ARPP21: variants seen among roughly 807,000 people sequenced by gnomAD.
ARPP21 encodes cAMP regulated phosphoprotein 21, also known as cAMP-regulated phosphoprotein 21.
In ARPP21, 69 loss-of-function variants were observed where a neutral mutation model predicts 113.2. The ratio of observed to expected loss-of-function variants is 0.61; its 90% CI spans 0.50 to 0.74. The LOEUF is 0.74. Among genes scored for constraint, ARPP21 ranks in the 30% least tolerant of loss-of-function variants. ARPP21 has a pLI of 0.00. For missense variants in ARPP21, 1,070 were observed against 1,037.4 expected (o/e 1.03, Z -0.43); for synonymous variants, 368 against 375.5 (o/e 0.98, Z 0.23).
rs1202968850 is a variant in ARPP21 at position 35,747,756 on chromosome 3, AATAGT to A, written c.2137+3797_2137+3801del. 2.6e-5 allele frequency among the ~76,000 whole-genome samples: 4 copies of A among 152,020 alleles called. No individual in the cohort carries two copies. The East Asian group carries it at 7.8e-4, about 30-fold the overall frequency. ...GGGAACTCAGATTTCCTATTTAATC[AATAGT>A]ATAGTGTCCAGTTCACTTTATAAAA... is the stretch of plus-strand genomic sequence containing the variant. On this transcript the variant is annotated intron_variant, in intron 19 of 20. Coordinates refer to ENST00000684406, the MANE Select transcript of ARPP21 (RefSeq NM_001385562.1).
rs558824324 is a variant in ARPP21 at position 35,719,400 on chromosome 3, A to C, written c.995+2043A>C. 2.6e-4 allele frequency among the ~76,000 whole-genome samples: 40 copies of C among 152,324 alleles called. No homozygotes were observed. In the South Asian group the frequency reaches 7.0e-3, roughly 27 times the overall value. ...GATTATGGCTTAGGACAGTGATCTGAGCTAGTGAGGTAGAGGTAGAGAAGT... is the reference window on the plus strand; with the variant it reads ...GATTATGGCTTAGGACAGTGATCTGCGCTAGTGAGGTAGAGGTAGAGAAGT... On this transcript the variant is annotated intron_variant, in intron 13 of 20. Transcript: ENST00000684406.
chr3:35,756,718 T>C (rs1030082185), intron 19 of ARPP21, among the ~76,000 whole-genome samples: 3 of 152,124 alleles, frequency 2.0e-5, no homozygotes, highest in Non-Finnish European at 4.4e-5. Flanking sequence ...GTTGTTGTTG[T>C]TGTTGTTGTA....
chr3:35,707,070 A>G lies in ARPP21; in HGVS notation c.783A>G (p.Lys261=). ...ILKRDNSSID[K]EDNQQNRMHP... is the part of the protein sequence containing the mutation. Reference sequence around the variant, plus strand: ...AGCGAGATAACTCTAGTATTGATAAAGAAGACAATCAGGTTGGTTCTCAAG... The same window carrying G: ...AGCGAGATAACTCTAGTATTGATAAGGAAGACAATCAGGTTGGTTCTCAAG... Residue 261 remains lysine (K), a synonymous_variant, in exon 10 of 21, where the codon AAA becomes AAG. Coordinates refer to ENST00000684406, the MANE Select transcript of ARPP21 (RefSeq NM_001385562.1). The G allele has an allele frequency of 6.2e-7, 1 of 1,613,004 alleles. No homozygotes were observed. The highest frequency in any genetic ancestry group is 8.5e-7 in the Non-Finnish European group (1 of 1,179,386).
chr3:35,672,722 A>G (rs1171342535), intron 1 of ARPP21, among the ~76,000 whole-genome samples: 1 of 152,010 alleles, frequency 6.6e-6, no homozygotes, highest in African/African-American at 2.4e-5. Context: ...TCAAATTTTG[A>G]GCTTTGTTAA....
intron 5 of ARPP21, 92 bp from the exon 6 acceptor site, chr3:35,687,647 A>G (rs962295483): frequency 8.2e-7 from 1 of 1,221,284 alleles, no homozygotes; most frequent in Admixed American, 2.8e-5. Context: ...CCTGGTTTTC[A>G]TTTTTCTATA....
rs764335240 is a variant in ARPP21 at position 35,689,334 on chromosome 3, C to T, written c.434C>T (p.Thr145Ile). The T allele has an allele frequency of 6.3e-7, 1 of 1,583,914 alleles. No individual in the cohort carries two copies. Among genetic ancestry groups the T allele is most frequent in the South Asian group, 1.1e-5 (1 of 90,402 alleles). The stretch of plus-strand genomic sequence containing the variant: ...TGCAGCCAAGAATACACGGATTCTA[C>T]AGGCATAGACTTACACGAGTTTCTG... ...KDCSQEYTDS[T>I]GIDLHEFLIN... The change falls in exon 7 of 21, where the codon ACA (threonine) becomes ATA (isoleucine). Residue 145 changes from threonine to isoleucine, a missense_variant. By Grantham distance (89) the Thr-to-Ile change is moderately conservative. Transcript: ENST00000684406.
Position 35,794,298 on chromosome 3 carries a change from T to G in ARPP21, c.*340T>G, listed in dbSNP as rs924088621. 1 of 268,314 alleles carries G rather than the reference T, an allele frequency of 3.7e-6. No individual in the cohort carries two copies. The highest frequency in any genetic ancestry group is 2.2e-5 in the African/African-American group (1 of 46,254). The allele number at this position is 268,314 out of a possible 1,614,324, so 16.6% of individuals were successfully genotyped here. On this transcript the variant is annotated 3_prime_UTR_variant, in exon 21 of 21. Transcript: ENST00000684406. ...GTTGAGTTTGTGATGCTAAAAGTAT[T>G]TAAAAATTATATACTAAATCACATT...
chr3:35,702,942 A>G (rs1420964716), intron 9 of ARPP21, among the ~76,000 whole-genome samples: 2 of 151,890 alleles, frequency 1.3e-5, no homozygotes, highest in African/African-American at 4.8e-5. Flanking sequence ...TGACTATTAA[A>G]GTGCTTTTGA....
intron 1 of ARPP21, among the ~76,000 whole-genome samples, chr3:35,661,184 C>T (rs950884783): frequency 1.3e-5 from 2 of 152,134 alleles, no homozygotes; most frequent in African/African-American, 4.8e-5. Context: ...AGAGCGAGTG[C>T]TTTACTTTGA....
intron 15 of ARPP21, among the ~76,000 whole-genome samples, chr3:35,734,922 T>C (rs115903138): frequency 4.4e-4 from 67 of 152,358 alleles, no homozygotes; most frequent in African/African-American, 1.4e-3. Flanking sequence ...ACCTAGAGTA[T>C]ATCTAGTCTT....
chr3:35,646,510 C>T (rs1056245665), intron 1 of ARPP21, among the ~76,000 whole-genome samples: 4 of 152,060 alleles, frequency 2.6e-5, no homozygotes, highest in African/African-American at 9.7e-5. Context: ...CAAGCTTTAA[C>T]TACTCAATGC....
At chr3:35,647,359 G>A (rs1700628242) in intron 1 of ARPP21, among the ~76,000 whole-genome samples, 1 of 152,034 alleles carries the variant, frequency 6.6e-6, no homozygotes, top group Non-Finnish European at 1.5e-5. Flanking sequence ...ATATAATGTG[G>A]GAAGCTGTAG....
At chr3:35,772,396 C>G (rs1273723924) in intron 19 of ARPP21, among the ~76,000 whole-genome samples, 1 of 152,126 alleles carries the variant, frequency 6.6e-6, no homozygotes, top group Non-Finnish European at 1.5e-5. Context: ...CCTAGCTTTA[C>G]AGTCAGATTA....
At chr3:35,746,498 C>A (rs759495014) in intron 19 of ARPP21, among the ~76,000 whole-genome samples, 11 of 152,172 alleles carry the variant, frequency 7.2e-5, no homozygotes, top group Non-Finnish European at 1.2e-4. Context: ...AATAAGACTT[C>A]TCCATCTTTA....
chr3:35,644,935 A>T (rs1699627804), intron 1 of ARPP21, among the ~76,000 whole-genome samples: 1 of 151,960 alleles, frequency 6.6e-6, no homozygotes, highest in African/African-American at 2.4e-5. Context: ...CAGGTTTAGA[A>T]GATTTTTGTA....
At chr3:35,748,019 GA>G (rs2095191475) in intron 19 of ARPP21, among the ~76,000 whole-genome samples, 1 of 141,754 alleles carries the variant, frequency 7.1e-6, no homozygotes, top group Non-Finnish European at 1.5e-5. Context: ...GGAAAAGAAA[GA>G]AAGACAGAAA....
intron 15 of ARPP21, among the ~76,000 whole-genome samples, chr3:35,730,708 G>T (rs1264997997): frequency 6.6e-6 from 1 of 152,116 alleles, no homozygotes; most frequent in Non-Finnish European, 1.5e-5. Context: ...AAAATTATCT[G>T]ACTCAATCTT....
At chr3:35,703,404 T>A (rs2087306664) in intron 9 of ARPP21, among the ~76,000 whole-genome samples, 1 of 151,896 alleles carries the variant, frequency 6.6e-6, no homozygotes, top group South Asian at 2.1e-4. Context: ...TAATTCTGAC[T>A]TTTCAGAGGT....
intron 19 of ARPP21, among the ~76,000 whole-genome samples, chr3:35,769,038 C>T (rs1017189891): frequency 2.6e-5 from 4 of 152,176 alleles, no homozygotes; most frequent in Non-Finnish European, 4.4e-5. Flanking sequence ...CTTTCTCTCT[C>T]TTCCTCTCTT....
Sources: gnomAD v4.1 joint callset for allele counts (sites outside exome capture counted in the v4.1 genomes callset) on GRCh38, gnomAD v4.1.1 for gene constraint, MANE v1.5 for transcripts, NCBI Gene and HGNC (gene_info 2026-07-23, HGNC 2026-07-21) for gene names.